The following CNTN5 variants were observed in gnomAD, a reference collection of about 807,000 sequenced individuals.
CNTN5 encodes the protein contactin 5.
A neutral mutation model predicts 129.1 loss-of-function variants in CNTN5; 77 were observed. The observed-to-expected ratio is 0.60, with a 90% CI of 0.50 to 0.72. The LOEUF (loss-of-function observed/expected upper bound fraction) is 0.72, where lower values mean the gene tolerates loss of function less well. CNTN5 is among the 30% of genes least tolerant of loss of function. The pLI is 0.00. For synonymous variants in CNTN5, 509 were observed against 465.6 expected (o/e 1.09, Z -1.20); for missense variants, 1,478 against 1,328.8 (o/e 1.11, Z -1.75).
chr11:100,283,851 C>T lies in CNTN5; in HGVS notation c.2314+12610C>T, dbSNP rs375565682. ...ATCCCAGCTACTCGAGAGGCTGAGG[C>T]ACAAGAATCACTTGAACCCAGGAGG... On this transcript the variant is annotated intron_variant, in intron 18 of 24. Coordinates refer to ENST00000524871, the MANE Select transcript of CNTN5 (RefSeq NM_014361.4). 9.1e-4 allele frequency among the ~76,000 whole-genome samples: 139 copies of T among 152,188 alleles called. 1 individual carries two copies. Among genetic ancestry groups the T allele is most frequent in the African/African-American group, 3.1e-3 (128 of 41,512 alleles).
intron 3 of CNTN5, among the ~76,000 whole-genome samples, chr11:99,663,834 C>T (rs973965273): frequency 1.1e-4 from 17 of 152,144 alleles, no homozygotes; most frequent in African/African-American, 4.1e-4. Context: ...TTTATACTTA[C>T]CCAGTCTCAG....
intron 2 of CNTN5, among the ~76,000 whole-genome samples, chr11:99,486,065 A>G (rs973729234): frequency 1.5e-4 from 23 of 151,946 alleles, no homozygotes; most frequent in African/African-American, 5.6e-4. Flanking sequence ...CAGAGAGTTT[A>G]TTTTTACTGT....
At chr11:99,995,682 AC>A (rs1939396395) in intron 8 of CNTN5, among the ~76,000 whole-genome samples, 3 of 152,002 alleles carry the variant, frequency 2.0e-5, no homozygotes, top group African/African-American at 7.3e-5. Context: ...AAACATAGAC[AC>A]CCCCAAACAC....
intron 13 of CNTN5, among the ~76,000 whole-genome samples, chr11:100,132,753 G>A (rs1946414367): frequency 6.6e-6 from 1 of 152,068 alleles, no homozygotes; most frequent in South Asian, 2.1e-4. Context: ...GGTGCGCTAT[G>A]TATTATGAAT....
chr11:99,752,761 A>C (rs755925722), intron 3 of CNTN5, among the ~76,000 whole-genome samples: 1 of 152,196 alleles, frequency 6.6e-6, no homozygotes, highest in Non-Finnish European at 1.5e-5. Flanking sequence ...CCACTTTAGA[A>C]TTTTTGAAAA....
chr11:100,100,746 G>C (rs771371554), intron 13 of CNTN5, among the ~76,000 whole-genome samples: 61 of 152,066 alleles, frequency 4.0e-4, no homozygotes, highest in Non-Finnish European at 7.5e-4. Context: ...TCCATATTCA[G>C]AACAGTTTGC....
chr11:99,155,296 T>G (rs1460052307), intron 1 of CNTN5, among the ~76,000 whole-genome samples: 1 of 152,242 alleles, frequency 6.6e-6, no homozygotes, highest in African/African-American at 2.4e-5. Flanking sequence ...TTTAAAAATC[T>G]AGTTTCACTT....
At chr11:100,181,873 T>C (rs1948148054) in intron 13 of CNTN5, among the ~76,000 whole-genome samples, 2 of 152,036 alleles carry the variant, frequency 1.3e-5, no homozygotes, top group Admixed American at 1.3e-4. Context: ...CCTAAATAGA[T>C]GGAGTTATGT....
chr11:100,181,637 A>C (rs190135656), intron 13 of CNTN5, among the ~76,000 whole-genome samples: 1 of 152,166 alleles, frequency 6.6e-6, no homozygotes, highest in East Asian at 1.9e-4. Flanking sequence ...TGGTTGTGAT[A>C]TTATACTATA....
intron 3 of CNTN5, among the ~76,000 whole-genome samples, chr11:99,577,194 A>G (rs2135595230): frequency 6.6e-6 from 1 of 152,330 alleles, no homozygotes; most frequent in Middle Eastern, 3.4e-3. Context: ...AGAGAAAAAA[A>G]GATTGCATTA....
chr11:100,167,369 A>T (rs1240736258), intron 13 of CNTN5, among the ~76,000 whole-genome samples: 2 of 151,822 alleles, frequency 1.3e-5, no homozygotes, highest in African/African-American at 4.8e-5. Flanking sequence ...AAATACATTT[A>T]AAGCAGGCAA....
intron 21 of CNTN5, among the ~76,000 whole-genome samples, chr11:100,328,213 G>A (rs934227290): frequency 6.6e-6 from 1 of 151,972 alleles, no homozygotes; most frequent in Non-Finnish European, 1.5e-5. Context: ...AAAATTAGCT[G>A]GGTGTGTTGG....
At chr11:99,974,409 C>T (rs535367753) in intron 8 of CNTN5, among the ~76,000 whole-genome samples, 8 of 152,284 alleles carry the variant, frequency 5.3e-5, no homozygotes, top group Non-Finnish European at 2.9e-5. Flanking sequence ...CATCCTGCCT[C>T]CCTTAGGATA....
Position 99,803,905 on chromosome 11 carries a change from G to A in CNTN5, c.56-15639G>A, listed in dbSNP as rs150238752. Among the ~76,000 whole-genome samples, 22 of 152,212 alleles carry A rather than the reference G, an allele frequency of 1.4e-4. 1 individual carries two copies. In the East Asian group the frequency reaches 3.7e-3, roughly 25 times the overall value. ...TAAAGCTCACAGAATTGATCTTTAC[G>A]AACTCTTGCTCTTTCCAAGTGGCTG... On this transcript the variant is annotated intron_variant, in intron 3 of 24. Transcript: ENST00000524871.
At chr11:99,681,370 G>A (rs575623189) in intron 3 of CNTN5, among the ~76,000 whole-genome samples, 11 of 152,008 alleles carry the variant, frequency 7.2e-5, no homozygotes, top group East Asian at 1.9e-4. Flanking sequence ...CAAACATGTC[G>A]CAAACTTCAC....
At chr11:99,156,183 A>G (rs1860323414) in intron 1 of CNTN5, among the ~76,000 whole-genome samples, 1 of 152,090 alleles carries the variant, frequency 6.6e-6, no homozygotes, top group Non-Finnish European at 1.5e-5. Flanking sequence ...CATTAATAAT[A>G]AAAAGATTGT....
chr11:100,049,217 G>GA (rs1437712576), intron 9 of CNTN5, among the ~76,000 whole-genome samples: 4 of 151,908 alleles, frequency 2.6e-5, no homozygotes, highest in African/African-American at 7.2e-5. Context: ...GTTTTGTAAA[G>GA]AAAAAATATA....
At chr11:99,296,717 A>G (rs1191783472) in intron 1 of CNTN5, among the ~76,000 whole-genome samples, 2 of 152,192 alleles carry the variant, frequency 1.3e-5, no homozygotes, top group Non-Finnish European at 2.9e-5. Flanking sequence ...CAGGGAGTCC[A>G]GGCTATTAGA....
At chr11:100,101,019 A>G (rs1214104680) in intron 13 of CNTN5, among the ~76,000 whole-genome samples, 1 of 152,122 alleles carries the variant, frequency 6.6e-6, no homozygotes, top group East Asian at 1.9e-4. Context: ...ATAATGAGAG[A>G]TGGGTCTTGG....
Sources: allele counts gnomAD v4.1 joint callset (sites outside exome capture counted in the v4.1 genomes callset), GRCh38; gene constraint gnomAD v4.1.1; transcripts MANE v1.5; gene names NCBI Gene and HGNC (gene_info 2026-07-23, HGNC 2026-07-21).